TAMM41: variants seen among roughly 807,000 people sequenced by gnomAD.
TAMM41 encodes TAM41 mitochondrial translocator assembly and maintenance homolog, also known as phosphatidate cytidylyltransferase, mitochondrial.
Under a neutral mutation model 44.1 loss-of-function variants are expected in TAMM41, and 36 were observed. That is an observed-to-expected ratio of 0.82 (90% confidence interval 0.63 to 1.08). The LOEUF (loss-of-function observed/expected upper bound fraction) is 1.08. Ranked by LOEUF, TAMM41 falls within the 50% of genes least tolerant of loss-of-function variation. The pLI, the probability that TAMM41 is intolerant of heterozygous loss-of-function variation, is 0.00. For missense variants in TAMM41, 417 were observed against 404.3 expected, an observed-to-expected ratio of 1.03 and a Z score of -0.27; for synonymous variants, 164 against 153.1, an observed-to-expected ratio of 1.07 and a Z score of -0.53.
intron 3 of TAMM41, among the ~76,000 whole-genome samples, chr3:11,837,730 C>T (rs76973194): frequency 2.3e-3 from 354 of 152,320 alleles, no homozygotes; most frequent in African/African-American, 7.3e-3. Context: ...AGTGGACAAA[C>T]GGTGCCTCCA....
chr3:11,798,689 T>C (rs118034165), intron 7 of TAMM41, among the ~76,000 whole-genome samples: 1 of 152,038 alleles, frequency 6.6e-6, no homozygotes, highest in Non-Finnish European at 1.5e-5. Flanking sequence ...TGGAGAAGGA[T>C]AGAGGTTCTG....
At chr3:11,759,291 C>T in the TAMM41 span, among the ~76,000 whole-genome samples, 10 of 152,118 alleles carry the variant, frequency 6.6e-5, no homozygotes, top group Admixed American at 2.6e-4. Flanking sequence ...GGGTGATCAA[C>T]GGCACATCCA....
At chr3:11,753,907 T>C in the TAMM41 span, among the ~76,000 whole-genome samples, 1 of 152,082 alleles carries the variant, frequency 6.6e-6, no homozygotes, top group Non-Finnish European at 1.5e-5. Context: ...AAAGGGGGCA[T>C]GGCCAGATCC....
chr3:11,839,020 A>G (rs1480321145), intron 3 of TAMM41, among the ~76,000 whole-genome samples: 4 of 152,218 alleles, frequency 2.6e-5, no homozygotes, highest in Non-Finnish European at 5.9e-5. Context: ...GAGCCCAAGG[A>G]AAAAAACCAA....
the TAMM41 span, among the ~76,000 whole-genome samples, chr3:11,743,204 T>A: frequency 0.083 from 12,574 of 152,156 alleles, 1,407 homozygotes; most frequent in African/African-American, 0.25. Flanking sequence ...TCGGGGTCTA[T>A]ACCAGCAGAG....
At chr3:11,765,726 G>A in the TAMM41 span, among the ~76,000 whole-genome samples, 2 of 148,568 alleles carry the variant, frequency 1.3e-5, no homozygotes, top group Non-Finnish European at 3.0e-5. Flanking sequence ...TTTTGAGATG[G>A]AGTCTCATTC....
the TAMM41 span, among the ~76,000 whole-genome samples, chr3:11,723,424 C>G: frequency 6.6e-6 from 1 of 151,600 alleles, no homozygotes; most frequent in Non-Finnish European, 1.5e-5. Flanking sequence ...TACAAAAAAT[C>G]CAAAAATTAG....
chr3:11,829,472 T>C (rs1209528745), intron 4 of TAMM41, among the ~76,000 whole-genome samples: 1 of 152,196 alleles, frequency 6.6e-6, no homozygotes, highest in African/African-American at 2.4e-5. Context: ...AGTTTGAAAT[T>C]ACTTCAAAAT....
chr3:11,808,333 A>T (rs9876026), intron 6 of TAMM41: 1 of 1,008,598 alleles, frequency 9.9e-7, no homozygotes, highest in Non-Finnish European at 1.2e-6. Flanking sequence ...AGTTTCACTC[A>T]CCTCAAAGAG....
chr3:11,786,456 C>T (rs1338499723), downstream of TAMM41, among the ~76,000 whole-genome samples: 1 of 151,522 alleles, frequency 6.6e-6, no homozygotes, highest in Non-Finnish European at 1.5e-5. Context: ...AGGCATGAGC[C>T]ACCACACCTG....
At chr3:11,831,241 C>G (rs897250516) in intron 3 of TAMM41, among the ~76,000 whole-genome samples, 16 of 152,178 alleles carry the variant, frequency 1.1e-4, no homozygotes, top group African/African-American at 3.6e-4. Flanking sequence ...TCCCAGAGTT[C>G]TGTTTCAGGA....
the TAMM41 span, among the ~76,000 whole-genome samples, chr3:11,727,738 T>C: frequency 6.6e-6 from 1 of 152,114 alleles, no homozygotes; most frequent in African/African-American, 2.4e-5. Context: ...AGTGCTGGAT[T>C]ACAGACATAA....
At chr3:11,729,701 A>G in the TAMM41 span, among the ~76,000 whole-genome samples, 5,562 of 151,036 alleles carry the variant, frequency 0.037, 338 homozygotes, top group African/African-American at 0.13. Flanking sequence ...CTGGGATTAC[A>G]GGTGCATGCC....
chr3:11,765,571 G>C, the TAMM41 span, among the ~76,000 whole-genome samples: 1 of 152,120 alleles, frequency 6.6e-6, no homozygotes, highest in East Asian at 1.9e-4. Context: ...TATGCAGTCT[G>C]TACATATAAC....
downstream of TAMM41, among the ~76,000 whole-genome samples, chr3:11,788,155 C>A (rs2077427776): frequency 6.6e-6 from 1 of 152,116 alleles, no homozygotes; most frequent in African/African-American, 2.4e-5. Flanking sequence ...TGGAGAGTGA[C>A]CCTGGTGTTC....
In TAMM41 at chr3:11,844,055, T is replaced by C; in HGVS notation, c.292A>G (p.Asn98Asp). Residue 98 changes from asparagine (N) to aspartate (D), a missense_variant, in exon 2 of 8, where the codon AAT becomes GAT. Asn to Asp is a conservative substitution (Grantham distance 23). Coordinates refer to ENST00000455809, the MANE Select transcript of TAMM41 (RefSeq NM_001284401.2). ...CTACCATTACACATGATCAATGAAT[T>C]GTAGTAAACTCCAGCGCCATAGTTA... ...QNNYGAGVYYNSLIMCNGRLI... is the reference protein window; with the variant it reads ...QNNYGAGVYYDSLIMCNGRLI... 2.5e-6 allele frequency: 4 copies of C among 1,614,102 alleles called. No homozygotes were observed. In the South Asian group the frequency reaches 4.4e-5, roughly 18 times the overall value.
Position 11,805,922 on chromosome 3 carries a change from G to A in TAMM41, c.937+1911C>T, listed in dbSNP as rs2077894644. On this transcript the variant is annotated intron_variant, in intron 7 of 7. Transcript: ENST00000455809. ...CCCACGTCGTGGGAGGGACCTGGTG[G>A]GAGGTAATTGAATCACGAAGGCAGG... Among the ~76,000 whole-genome samples, 3 of 152,318 alleles carry A rather than the reference G, an allele frequency of 2.0e-5. No homozygotes were observed. In the South Asian group the frequency reaches 6.2e-4, roughly 32 times the overall value.
chr3:11,844,989 T>A (rs768898571), intron 1 of TAMM41: 1 of 456,670 alleles, frequency 2.2e-6, no homozygotes, highest in South Asian at 1.5e-5. Flanking sequence ...TAAACAGACT[T>A]GCTGGAAGCA....
the TAMM41 span, among the ~76,000 whole-genome samples, chr3:11,779,538 A>C: frequency 3.9e-5 from 6 of 152,248 alleles, no homozygotes; most frequent in South Asian, 1.0e-3. Flanking sequence ...TACAGTCACC[A>C]TCCATCTCCT....
Sources: gnomAD v4.1 joint callset for allele counts (sites outside exome capture counted in the v4.1 genomes callset) on GRCh38, gnomAD v4.1.1 for gene constraint, MANE v1.5 for transcripts, NCBI Gene and HGNC (gene_info 2026-07-23, HGNC 2026-07-21) for gene names.